Variants in BRINP2 observed in about 807,000 individuals in gnomAD.
BRINP2 encodes BMP/retinoic acid inducible neural specific 2.
A neutral mutation model predicts 69.2 loss-of-function variants in BRINP2; 21 were observed. The ratio of observed to expected loss-of-function variants is 0.30; its 90% CI spans 0.22 to 0.44. The LOEUF is 0.44. BRINP2 is among the 20% of genes least tolerant of loss of function. The pLI, the probability that BRINP2 is intolerant of heterozygous loss-of-function variation, is 1.00. For synonymous variants in BRINP2, 380 were observed against 394.1 expected (o/e 0.96, Z 0.42); for missense variants, 877 against 986.0 (o/e 0.89, Z 1.48).
intron 1 of BRINP2, among the ~76,000 whole-genome samples, chr1:177,172,617 C>T (rs1448822052): frequency 1.3e-5 from 2 of 152,150 alleles, no homozygotes; most frequent in Non-Finnish European, 2.9e-5. Flanking sequence ...CTCTTCTCCT[C>T]ACCAAGCAGT....
At chr1:177,247,319 C>CT (rs1650417224) in intron 2 of BRINP2, among the ~76,000 whole-genome samples, 2 of 152,218 alleles carry the variant, frequency 1.3e-5, no homozygotes, top group African/African-American at 4.8e-5. Flanking sequence ...AAAGGCAAAT[C>CT]TCCAAGACAA....
intron 4 of BRINP2, among the ~76,000 whole-genome samples, chr1:177,258,097 C>A (rs1417889331): frequency 6.6e-6 from 1 of 152,180 alleles, no homozygotes; most frequent in African/African-American, 2.4e-5. Flanking sequence ...GTAACATGAT[C>A]TCATGAGTGT....
rs1014301666 is a variant in BRINP2, at chr1:177,171,572, C to G, written c.-237C>G. 5 of 152,810 alleles carry G rather than the reference C, an allele frequency of 3.3e-5. No homozygotes were observed. Among genetic ancestry groups the G allele is most frequent in the African/African-American group, 1.2e-4 (5 of 41,406 alleles). The allele number at this position is 152,810 out of a possible 1,614,324, so 9.5% of individuals were successfully genotyped here. A position where few individuals can be genotyped will look rare whatever the true frequency, so the allele number is the denominator to read the frequency against. ...TGAGGGGGAGGCATTCGCGTTTCCC[C>G]AAATGAGAAAGAACCACAAGAAATC... On this transcript the variant is annotated 5_prime_UTR_variant, in exon 1 of 8. Coordinates refer to ENST00000361539, the MANE Select transcript of BRINP2 (RefSeq NM_021165.4).
intron 4 of BRINP2, among the ~76,000 whole-genome samples, chr1:177,270,161 C>A (rs1364351101): frequency 6.6e-6 from 1 of 152,068 alleles, no homozygotes; most frequent in Non-Finnish European, 1.5e-5. Context: ...CTCTCCAGCT[C>A]CCTCTATTCT....
intron 4 of BRINP2, among the ~76,000 whole-genome samples, chr1:177,272,109 T>C (rs1214993100): frequency 6.6e-6 from 1 of 152,204 alleles, no homozygotes; most frequent in Non-Finnish European, 1.5e-5. Context: ...CCTTCTCCTT[T>C]TCCTTGTAGT....
chr1:177,278,363 G>A (rs779648858), intron 6 of BRINP2, among the ~76,000 whole-genome samples, 200 bp from the exon 7 acceptor site: 8 of 148,826 alleles, frequency 5.4e-5, no homozygotes, highest in East Asian at 1.9e-4. Flanking sequence ...GAAAGTTCCC[G>A]AGGCCATATT....
At chr1:177,177,214 G>A (rs966569979) in intron 1 of BRINP2, among the ~76,000 whole-genome samples, 1 of 151,904 alleles carries the variant, frequency 6.6e-6, no homozygotes, top group African/African-American at 2.4e-5. Flanking sequence ...TCAGGAGGTG[G>A]AGGTTGCAGT....
chr1:177,199,733 A>G (rs1028813843), intron 1 of BRINP2, among the ~76,000 whole-genome samples: 4 of 152,200 alleles, frequency 2.6e-5, no homozygotes, highest in African/African-American at 9.6e-5. Flanking sequence ...TTGATGTACA[A>G]AAGCAGGACA....
At chr1:177,197,600 G>T (rs1299516659) in intron 1 of BRINP2, among the ~76,000 whole-genome samples, 2 of 152,156 alleles carry the variant, frequency 1.3e-5, no homozygotes, top group African/African-American at 4.8e-5. Context: ...GGTAGGCCTT[G>T]ATCTTGAACT....
intron 2 of BRINP2, among the ~76,000 whole-genome samples, chr1:177,255,089 C>T (rs116490923): frequency 2.3e-3 from 344 of 152,280 alleles, no homozygotes; most frequent in African/African-American, 8.0e-3. Flanking sequence ...TTGTAACTAA[C>T]CTTTAAGAAA....
intron 1 of BRINP2, among the ~76,000 whole-genome samples, chr1:177,183,137 CTTTTTTTTTTTTT>C (rs71129597): frequency 1.8e-5 from 1 of 54,302 alleles, no homozygotes; most frequent in Non-Finnish European, 3.4e-5. Context: ...AGTGTGTGAG[CTTTTTTTTTTTTT>C]TTTTTTTTTT....
chr1:177,230,526 A>T (rs1649835830), intron 2 of BRINP2, among the ~76,000 whole-genome samples: 1 of 152,202 alleles, frequency 6.6e-6, no homozygotes, highest in Non-Finnish European at 1.5e-5. Flanking sequence ...AGTTAATTTC[A>T]TGAGTTGTAA....
At chr1:177,233,015 A>G (rs985807345) in intron 2 of BRINP2, among the ~76,000 whole-genome samples, 2 of 152,198 alleles carry the variant, frequency 1.3e-5, no homozygotes, top group Non-Finnish European at 2.9e-5. Flanking sequence ...ATTTCATAGG[A>G]AAGAGACCCT....
At chr1:177,212,617 T>G (rs1649257222) in intron 1 of BRINP2, among the ~76,000 whole-genome samples, 2 of 152,174 alleles carry the variant, frequency 1.3e-5, no homozygotes, top group Admixed American at 1.3e-4. Flanking sequence ...TTGTAAAATT[T>G]TCAGGATATT....
At chr1:177,254,218 G>A (rs144959847) in intron 2 of BRINP2, among the ~76,000 whole-genome samples, 9 of 152,208 alleles carry the variant, frequency 5.9e-5, no homozygotes, top group Admixed American at 2.6e-4. Flanking sequence ...ATATGGATCC[G>A]CTTAGTCTAT....
chr1:177,195,062 C>T (rs941169435), intron 1 of BRINP2, among the ~76,000 whole-genome samples: 1 of 152,152 alleles, frequency 6.6e-6, no homozygotes, highest in African/African-American at 2.4e-5. Context: ...AAATGATATG[C>T]TCACCACTCT....
chr1:177,177,849 A>G (rs529754760), intron 1 of BRINP2, among the ~76,000 whole-genome samples: 21 of 152,320 alleles, frequency 1.4e-4, no homozygotes, highest in Admixed American at 1.4e-3. Context: ...AACAAATGTT[A>G]ACACTCTTTC....
At chr1:177,273,658 C>T (rs1299256717) in intron 5 of BRINP2, 65 bp downstream of exon 5, 4 of 1,025,164 alleles carry the variant, frequency 3.9e-6, no homozygotes, top group Non-Finnish European at 5.5e-6. Flanking sequence ...ATTCCTAGAT[C>T]AAATAGCGGG....
intron 1 of BRINP2, among the ~76,000 whole-genome samples, chr1:177,209,277 G>A (rs939849786): frequency 1.3e-5 from 2 of 152,012 alleles, no homozygotes; most frequent in African/African-American, 2.4e-5. Context: ...TTCAGGGATC[G>A]ACAAGCACAG....
Sources: allele counts gnomAD v4.1 joint callset (sites outside exome capture counted in the v4.1 genomes callset), GRCh38; gene constraint gnomAD v4.1.1; transcripts MANE v1.5; gene names NCBI Gene and HGNC (gene_info 2026-07-23, HGNC 2026-07-21).